The following NINL variants were observed in gnomAD, a reference collection of about 807,000 sequenced individuals.
NINL encodes ninein like, also known as ninein-like protein.
NINL carries 153 observed loss-of-function variants against 160.3 expected under a neutral mutation model. That is an observed-to-expected ratio of 0.95 (90% CI 0.84 to 1.09). NINL has a LOEUF of 1.09. Ranked by LOEUF, NINL falls within the 50% of genes least tolerant of loss-of-function variation. NINL has a pLI of 0.00. For missense variants in NINL, 1,829 were observed against 1,764.0 expected (o/e 1.04, Z -0.66); for synonymous variants, 800 against 734.8 (o/e 1.09, Z -1.43).
At chr20:25,507,741 T>C (rs1398603923) in intron 5 of NINL, among the ~76,000 whole-genome samples, 1 of 151,926 alleles carries the variant, frequency 6.6e-6, no homozygotes, top group South Asian at 2.1e-4. Context: ...GTGGGTTGGG[T>C]TGAGGAAAAC....
At chr20:25,538,297 G>A (rs1177235753) in intron 1 of NINL, among the ~76,000 whole-genome samples, 1 of 152,208 alleles carries the variant, frequency 6.6e-6, no homozygotes, top group Non-Finnish European at 1.5e-5. Flanking sequence ...CCCCACCTCT[G>A]CTGTGGCCTG....
chr20:25,516,556 G>GA (rs771700307), intron 3 of NINL, among the ~76,000 whole-genome samples: 1 of 152,104 alleles, frequency 6.6e-6, no homozygotes, highest in Non-Finnish European at 1.5e-5. Context: ...GCACAGATGG[G>GA]AAAATACAAC....
intron 2 of NINL, among the ~76,000 whole-genome samples, chr20:25,521,692 C>G (rs2064266353): frequency 6.6e-6 from 1 of 152,176 alleles, no homozygotes; most frequent in Non-Finnish European, 1.5e-5. Context: ...TGCAATTCAT[C>G]TTTACCCTAC....
chr20:25,471,551 GCAAC>G (rs1423204189), intron 17 of NINL, among the ~76,000 whole-genome samples: 9 of 152,078 alleles, frequency 5.9e-5, no homozygotes, highest in Non-Finnish European at 1.2e-4. Flanking sequence ...AAAGCTGATC[GCAAC>G]CTCTGTGACT....
chr20:25,507,741 T>A (rs1398603923), intron 5 of NINL, among the ~76,000 whole-genome samples: 1 of 151,926 alleles, frequency 6.6e-6, no homozygotes, highest in African/African-American at 2.4e-5. Flanking sequence ...GTGGGTTGGG[T>A]TGAGGAAAAC....
chr20:25,565,390 G>GC (rs1204818913), intron 1 of NINL, among the ~76,000 whole-genome samples: 1 of 151,986 alleles, frequency 6.6e-6, no homozygotes, highest in African/African-American at 2.4e-5. Context: ...AAGAAAGGAG[G>GC]GAAGAGGAGG....
At chr20:25,466,471 T>C (rs1406804263) in intron 19 of NINL, among the ~76,000 whole-genome samples, 4 of 152,310 alleles carry the variant, frequency 2.6e-5, no homozygotes, top group South Asian at 2.1e-4. Context: ...CTATATTGTT[T>C]CAACTTTCCT....
chr20:25,536,645 G>T (rs59324912), intron 1 of NINL, among the ~76,000 whole-genome samples: 14,504 of 152,176 alleles, frequency 0.095, 1,137 homozygotes, highest in African/African-American at 0.21. Flanking sequence ...CTTGAGCCTG[G>T]GGGGCAGAGT....
Position 25,463,174 on chromosome 20 carries a change from C to T in NINL, c.3424-633G>A, listed in dbSNP as rs1219775356. On this transcript the variant is annotated intron_variant, in intron 19 of 23. Transcript: ENST00000278886. ...CCAGTGCCGAGGACAGAAAGCCCTG[C>T]TCCAGCCCCTAGGAAAAACACACAC... Among the ~76,000 whole-genome samples the T allele has an allele frequency of 3.9e-5, 6 of 152,110 alleles. No individual in the cohort carries two copies. The East Asian group carries it at 1.2e-3, about 29-fold the overall frequency.
chr20:25,539,574 G>A (rs1001185537), intron 1 of NINL, among the ~76,000 whole-genome samples: 1 of 152,148 alleles, frequency 6.6e-6, no homozygotes, highest in Non-Finnish European at 1.5e-5. Context: ...CAGAACTACC[G>A]TCCCATGTAT....
At chr20:25,497,040 G>A (rs1349599470) in intron 9 of NINL, among the ~76,000 whole-genome samples, 2 of 152,248 alleles carry the variant, frequency 1.3e-5, no homozygotes, top group Non-Finnish European at 2.9e-5. Context: ...GTTTCTAGGT[G>A]GTTTCTAACC....
chr20:25,562,681 G>A (rs1261178049), intron 1 of NINL, among the ~76,000 whole-genome samples: 1 of 149,142 alleles, frequency 6.7e-6, no homozygotes, highest in African/African-American at 2.5e-5. Context: ...AGAGACCTTT[G>A]TTCACTTGTT....
In NINL at chr20:25,541,995, T is replaced by TCAGA. The variant is rs2064670785; in HGVS notation, c.-11-15401_-11-15398dup. On this transcript the variant is annotated intron_variant, in intron 1 of 23. Transcript: ENST00000278886. ...ACTATTTCAAAACTCTGGAATCATT[T>TCAGA]CAGATCCTTATGGGCCTGCTACCAT... 2.0e-5 allele frequency among the ~76,000 whole-genome samples: 3 copies of TCAGA among 152,352 alleles called. No individual in the cohort carries two copies. The South Asian group carries it at 6.2e-4, about 32-fold the overall frequency.
chr20:25,505,334 G>GT (rs1156357407), intron 5 of NINL, among the ~76,000 whole-genome samples: 5 of 124,988 alleles, frequency 4.0e-5, no homozygotes, highest in Admixed American at 3.2e-4. Context: ...GGAGATGCTG[G>GT]TTGGGGGGGG....
rs1331396716 is a variant in NINL, at chr20:25,477,476, T to C, written c.2202-387A>G. ...ACGTGGCCCACACTGCAGTGGGTTC[T>C]ACACGATAGCGCTGGAGACCCAGAG... On this transcript the variant is annotated intron_variant, in intron 16 of 23. Transcript: ENST00000278886. Among the ~76,000 whole-genome samples the C allele has an allele frequency of 2.6e-5, 4 of 152,228 alleles. No homozygotes were observed. The East Asian group carries it at 7.7e-4, about 29-fold the overall frequency.
chr20:25,466,827 G>A (rs887941899), intron 19 of NINL, among the ~76,000 whole-genome samples: 1 of 151,942 alleles, frequency 6.6e-6, no homozygotes, highest in Admixed American at 6.5e-5. Flanking sequence ...TTTGGGGAGT[G>A]TCCAGGCAGT....
At position 25,501,115 on chromosome 20, in the gene NINL, C is replaced by T. The variant is rs2063859578; in HGVS notation, c.862-105G>A. ...CCCAGCCTGTGCTCAGAGGGCCTCA[C>T]AGGAACAGCTCATGAGACCATCCTC... On this transcript the variant is annotated intron_variant, in intron 7 of 23. Coordinates refer to ENST00000278886, the MANE Select transcript of NINL (RefSeq NM_025176.6). The T allele has an allele frequency of 5.7e-6, 8 of 1,415,900 alleles. No individual in the cohort carries two copies. In the South Asian group the frequency reaches 7.2e-5, roughly 13 times the overall value. 87.7% of individuals were successfully genotyped at this position (1,415,900 alleles called of 1,614,324 possible).
At chr20:25,562,552 A>T (rs1030576670) in intron 1 of NINL, among the ~76,000 whole-genome samples, 1 of 124,392 alleles carries the variant, frequency 8.0e-6, no homozygotes, top group Non-Finnish European at 1.7e-5. Context: ...AAATGGATTA[A>T]GGGCGGTGCT....
chr20:25,524,236 G>A (rs2064313332), intron 2 of NINL, among the ~76,000 whole-genome samples: 1 of 152,210 alleles, frequency 6.6e-6, no homozygotes, highest in African/African-American at 2.4e-5. Context: ...GAAGGGACAG[G>A]CAGGGAGAGG....
Sources: gnomAD v4.1 joint callset for allele counts (sites outside exome capture counted in the v4.1 genomes callset) on GRCh38, gnomAD v4.1.1 for gene constraint, MANE v1.5 for transcripts, NCBI Gene and HGNC (gene_info 2026-07-23, HGNC 2026-07-21) for gene names.